Variants in USP25 observed in about 807,000 individuals in gnomAD.
USP25 encodes ubiquitin specific peptidase 25.
Under a neutral mutation model 158.5 loss-of-function variants are expected in USP25, and 85 were observed. The observed-to-expected ratio is 0.54, with a 90% CI of 0.45 to 0.64. The LOEUF is 0.64. Ranked by LOEUF, USP25 falls within the 30% of genes least tolerant of loss-of-function variation. The pLI, the probability that USP25 is intolerant of heterozygous loss-of-function variation, is 0.00. For synonymous variants in USP25, 464 were observed against 460.4 expected (o/e 1.01, Z -0.10); for missense variants, 1,242 against 1,327.3 (o/e 0.94, Z 1.00).
intron 20 of USP25, among the ~76,000 whole-genome samples, chr21:15,863,513 G>A (rs1341450830): frequency 6.6e-6 from 1 of 152,060 alleles, no homozygotes; most frequent in African/African-American, 2.4e-5. Context: ...TTTCAGATTT[G>A]AGTATTGTTG....
At chr21:15,737,879 C>T (rs955035624) in intron 1 of USP25, among the ~76,000 whole-genome samples, 3 of 150,846 alleles carry the variant, frequency 2.0e-5, no homozygotes, top group African/African-American at 4.9e-5. Context: ...ATTTTGCTTA[C>T]CTGGGTTGGG....
chr21:15,866,528 A>T (rs941471558), intron 22 of USP25, among the ~76,000 whole-genome samples, 184 bp downstream of exon 22: 1 of 152,142 alleles, frequency 6.6e-6, no homozygotes, highest in African/African-American at 2.4e-5. Flanking sequence ...ACATGATATG[A>T]TAGCATGTAG....
intron 4 of USP25, among the ~76,000 whole-genome samples, chr21:15,780,077 A>G (rs1038183967): frequency 6.6e-6 from 1 of 152,284 alleles, no homozygotes; most frequent in African/African-American, 2.4e-5. Flanking sequence ...ATTTTAAAGG[A>G]AGACATTTAT....
chr21:15,866,243 A>C (rs767644112), intron 21 of USP25, 23 bp from the exon 22 acceptor site: 1 of 1,548,280 alleles, frequency 6.5e-7, no homozygotes, highest in African/African-American at 1.4e-5. Context: ...ACACACGCTC[A>C]TATGTATGTG....
chr21:15,864,354 G>A lies in USP25; in HGVS notation c.2634G>A (p.Val878=), dbSNP rs931977850. 3 of 1,613,266 alleles carry A rather than the reference G, an allele frequency of 1.9e-6. No homozygotes were observed. The highest frequency in any genetic ancestry group is 2.7e-5 in the African/African-American group (2 of 74,796). ...PETDYRLHHV[V]VYFIQNQAPK... ...CCGATTATCGTTTACATCATGTAGTGGTCTACTTTATCCAGAACCAGGCAC... is the reference window on the plus strand; with the variant it reads ...CCGATTATCGTTTACATCATGTAGTAGTCTACTTTATCCAGAACCAGGCAC... Residue 878 remains valine, a synonymous_variant, in exon 21 of 26, where the codon GTG becomes GTA. Transcript: ENST00000400183.
chr21:15,839,624 T>C (rs2038231561), intron 17 of USP25, among the ~76,000 whole-genome samples: 1 of 151,694 alleles, frequency 6.6e-6, no homozygotes, highest in Non-Finnish European at 1.5e-5. Context: ...CACATTTTTC[T>C]TGTTTGTTCT....
intron 1 of USP25, among the ~76,000 whole-genome samples, chr21:15,736,927 T>C (rs551847316): frequency 1.6e-3 from 248 of 151,844 alleles, no homozygotes; most frequent in African/African-American, 3.0e-3. Context: ...TTTTTTTTTT[T>C]CCAGATAAGT....
intron 4 of USP25, 39 bp from the exon 5 acceptor site, chr21:15,791,463 C>A: frequency 1.3e-6 from 2 of 1,565,590 alleles, no homozygotes; most frequent in South Asian, 2.4e-5. Flanking sequence ...GGATATATAC[C>A]ATTATATAAT....
At chr21:15,739,969 G>C (rs376199273) in intron 1 of USP25, among the ~76,000 whole-genome samples, 11 of 152,230 alleles carry the variant, frequency 7.2e-5, no homozygotes, top group Middle Eastern at 3.4e-3. Context: ...TTTGCCCCTT[G>C]ATTAACTCTG....
intron 6 of USP25, 34 bp from the exon 7 acceptor site, chr21:15,805,087 A>G: frequency 1.9e-6 from 3 of 1,550,540 alleles, no homozygotes; most frequent in Non-Finnish European, 2.6e-6. Flanking sequence ...TCTTCAGTTA[A>G]GGTGTTTTTG....
chr21:15,807,215 A>C (rs1319402140), intron 7 of USP25, among the ~76,000 whole-genome samples: 1 of 152,234 alleles, frequency 6.6e-6, no homozygotes, highest in Non-Finnish European at 1.5e-5. Flanking sequence ...GACATGAGCC[A>C]CCACACTTGG....
At chr21:15,772,180 G>A (rs959935603) in intron 3 of USP25, among the ~76,000 whole-genome samples, 1 of 152,152 alleles carries the variant, frequency 6.6e-6, no homozygotes, top group Admixed American at 6.6e-5. Flanking sequence ...CTAGTTCATT[G>A]ATAAGTTGAT....
intron 1 of USP25, among the ~76,000 whole-genome samples, chr21:15,745,354 T>G: frequency 6.6e-6 from 1 of 152,192 alleles, no homozygotes; most frequent in Non-Finnish European, 1.5e-5. Context: ...TTTCTCCCAA[T>G]GTGTGGCTTG....
chr21:15,797,447 A>G (rs1296858607), intron 5 of USP25, among the ~76,000 whole-genome samples: 1 of 151,386 alleles, frequency 6.6e-6, no homozygotes, highest in African/African-American at 2.4e-5. Flanking sequence ...TTTAAACATC[A>G]AGTCACACAT....
At chr21:15,776,263 A>G (rs1341350497) in intron 3 of USP25, among the ~76,000 whole-genome samples, 2 of 151,846 alleles carry the variant, frequency 1.3e-5, no homozygotes, top group Non-Finnish European at 2.9e-5. Context: ...AATCTTTCAC[A>G]TTTTACTTGC....
chr21:15,834,076 CTATT>C (rs1174506577), intron 17 of USP25, among the ~76,000 whole-genome samples: 2 of 152,126 alleles, frequency 1.3e-5, no homozygotes, highest in East Asian at 3.8e-4. Context: ...TTGACCAAAA[CTATT>C]TAGTATATCA....
rs374861327 is a variant in USP25, at chr21:15,762,971, A to G, written c.123+3A>G. 3.7e-6 allele frequency: 6 copies of G among 1,609,730 alleles called. No individual in the cohort carries two copies. The African/African-American group carries it at 6.7e-5, about 18-fold the overall frequency. ...AGATACTACAGCAAGCCTTGAAGGTATGGCCTCTGTTTTATGATATACAGT... is the reference window on the plus strand; with the variant it reads ...AGATACTACAGCAAGCCTTGAAGGTGTGGCCTCTGTTTTATGATATACAGT... On this transcript the variant is annotated splice_donor_region_variant and intron_variant, in intron 2 of 25. Transcript: ENST00000400183.
intron 24 of USP25, chr21:15,877,523 T>C: frequency 4.3e-6 from 1 of 233,134 alleles, no homozygotes; most frequent in African/African-American, 2.3e-5. Flanking sequence ...ATGGCCCCTG[T>C]GTTGATGATC....
Position 15,766,262 on chromosome 21 carries a change from G to A in USP25, c.268+121G>A, listed in dbSNP as rs2034034002. On this transcript the variant is annotated intron_variant, in intron 3 of 25. Coordinates refer to ENST00000400183, the MANE Select transcript of USP25 (RefSeq NM_001283041.3). This position sits in a 1 kb window ranked among gnomAD's most constrained non-coding sequence, Gnocchi z 4.0. The stretch of plus-strand genomic sequence containing the variant: ...ACCAAAAAAGAACTCTATTAACCTT[G>A]GTTCTTTTTAATGTAGTTGAAAGGA... 1 of 855,910 alleles carries A rather than the reference G, an allele frequency of 1.2e-6. No individual in the cohort carries two copies. The highest frequency in any genetic ancestry group is 3.8e-5 in the Admixed American group (1 of 26,534). The allele number at this position is 855,910 out of a possible 1,614,324, so 53.0% of individuals were successfully genotyped here. A position where few individuals can be genotyped will look rare whatever the true frequency, so the allele number is the denominator to read the frequency against.
Sources: allele counts gnomAD v4.1 joint callset (sites outside exome capture counted in the v4.1 genomes callset), GRCh38; gene constraint gnomAD v4.1.1; non-coding constraint Gnocchi (gnomAD v3.1); transcripts MANE v1.5; gene names NCBI Gene and HGNC (gene_info 2026-07-23, HGNC 2026-07-21).